The following KCNH8 variants were observed in gnomAD, a reference collection of about 807,000 sequenced individuals.
KCNH8 encodes the protein potassium voltage-gated channel subfamily H member 8, also known as voltage-gated delayed rectifier potassium channel KCNH8.
KCNH8 carries 70 observed loss-of-function variants against 103.6 expected under a neutral mutation model. The ratio of observed to expected loss-of-function variants is 0.68; its 90% CI spans 0.56 to 0.82. The LOEUF (loss-of-function observed/expected upper bound fraction) is 0.82. KCNH8 is among the 40% of genes least tolerant of loss of function. The pLI, the probability that KCNH8 is intolerant of heterozygous loss-of-function variation, is 0.00. For synonymous variants in KCNH8, 498 were observed against 489.4 expected, an observed-to-expected ratio of 1.02 and a Z score of -0.23; for missense variants, 1,217 against 1,329.9, an observed-to-expected ratio of 0.92 and a Z score of 1.32.
At chr3:19,190,847 C>G (rs990200230) in intron 1 of KCNH8, among the ~76,000 whole-genome samples, 4 of 151,838 alleles carry the variant, frequency 2.6e-5, no homozygotes, top group Admixed American at 6.6e-5. Context: ...ACGAATCTCA[C>G]GAAGGTAGAG....
chr3:19,173,372 T>A (rs868600425), intron 1 of KCNH8, among the ~76,000 whole-genome samples: 2 of 152,212 alleles, frequency 1.3e-5, no homozygotes, highest in South Asian at 4.2e-4. Flanking sequence ...TCCTAGTTAT[T>A]TTTTTCAACA....
rs867874775 is a variant in KCNH8, at chr3:19,510,363, G to A, written c.2041G>A (p.Val681Met). 2 of 1,570,106 alleles carry A rather than the reference G, an allele frequency of 1.3e-6. No individual in the cohort carries two copies. Among genetic ancestry groups the A allele is most frequent in the Non-Finnish European group, 1.8e-6 (2 of 1,140,186 alleles). Residue 681 changes from valine (V) to methionine (M), a missense_variant and splice_region_variant, in exon 12 of 16, where the codon GTG becomes ATG. Physicochemically the swap from Val to Met is conservative, Grantham distance 21. Around this residue, in one of 3 missense-constraint regions of KCNH8, gnomAD observed 558 missense variants for 495.8 expected, o/e 1.13. Transcript: ENST00000328405. ...YNLREGHESD[V>M]ISRLSNKSMV... ...TTAATACTTCTGTTTGTTCTTTCAG[G>A]TGATATCAAGACTATCAAACAAATC...
intron 11 of KCNH8, among the ~76,000 whole-genome samples, chr3:19,499,813 C>G (rs544147345): frequency 6.6e-6 from 1 of 150,680 alleles, no homozygotes; most frequent in South Asian, 2.1e-4. Flanking sequence ...AAGAAACAAC[C>G]GGTACCAGCC....
chr3:19,369,689 T>G (rs1375238554), intron 5 of KCNH8, among the ~76,000 whole-genome samples: 2 of 151,978 alleles, frequency 1.3e-5, no homozygotes, highest in Non-Finnish European at 2.9e-5. Context: ...ACAACCTGTT[T>G]CCTTCCTGGA....
At chr3:19,240,470 G>A (rs1462525080) in intron 1 of KCNH8, among the ~76,000 whole-genome samples, 1 of 151,972 alleles carries the variant, frequency 6.6e-6, no homozygotes, top group Non-Finnish European at 1.5e-5. Flanking sequence ...AAATTAGCCA[G>A]GCATGGTGGC....
chr3:19,463,373 A>T (rs539647973), intron 11 of KCNH8, among the ~76,000 whole-genome samples: 1 of 152,288 alleles, frequency 6.6e-6, no homozygotes, highest in South Asian at 2.1e-4. Flanking sequence ...TAGAGGACAA[A>T]ATGGAAGAAT....
chr3:19,505,001 C>G (rs1575153948), intron 11 of KCNH8, among the ~76,000 whole-genome samples: 1 of 150,704 alleles, frequency 6.6e-6, no homozygotes, highest in South Asian at 2.1e-4. Flanking sequence ...ATATATCTCT[C>G]TCACATTCAT....
intron 1 of KCNH8, among the ~76,000 whole-genome samples, chr3:19,249,307 A>C (rs1000247620): frequency 6.6e-6 from 1 of 152,100 alleles, no homozygotes; most frequent in Non-Finnish European, 1.5e-5. Flanking sequence ...AAGAGAGGCT[A>C]CTCTCCCAAA....
intron 7 of KCNH8, among the ~76,000 whole-genome samples, chr3:19,420,259 C>T (rs775175923): frequency 5.9e-5 from 9 of 152,144 alleles, no homozygotes; most frequent in Non-Finnish European, 1.3e-4. Context: ...ATTTAAATGA[C>T]TATGGTAGCT....
At chr3:19,447,854 G>A (rs1559331947) in intron 8 of KCNH8, among the ~76,000 whole-genome samples, 1 of 151,938 alleles carries the variant, frequency 6.6e-6, no homozygotes, top group Non-Finnish European at 1.5e-5. Flanking sequence ...ATTTTTCGTG[G>A]AATATTTTTG....
chr3:19,473,643 T>C (rs896778106), intron 11 of KCNH8, among the ~76,000 whole-genome samples: 1 of 152,216 alleles, frequency 6.6e-6, no homozygotes, highest in African/African-American at 2.4e-5. Context: ...TCCCAGACTG[T>C]TTCATTCTTG....
chr3:19,352,474 T>C (rs532855295), intron 5 of KCNH8, among the ~76,000 whole-genome samples: 2 of 152,250 alleles, frequency 1.3e-5, no homozygotes, highest in African/African-American at 4.8e-5. Context: ...ATTGACCACA[T>C]AGTTGGAAGT....
At chr3:19,286,662 T>C (rs1191822516) in intron 3 of KCNH8, among the ~76,000 whole-genome samples, 1 of 152,162 alleles carries the variant, frequency 6.6e-6, no homozygotes, top group Non-Finnish European at 1.5e-5. Context: ...TATCCTCCCA[T>C]ATACTTTAAA....
intron 13 of KCNH8, 115 bp downstream of exon 13, chr3:19,513,440 CCTCAGCTTTTCTGAGTTT>C: frequency 2.1e-6 from 3 of 1,398,960 alleles, no homozygotes; most frequent in Non-Finnish European, 2.9e-6. Flanking sequence ...AGCCTGGAAT[CCTCAGCTTTTCTGAGTTT>C]TGTGGGCAAT....
intron 5 of KCNH8, among the ~76,000 whole-genome samples, chr3:19,358,269 CCTT>C (rs543701874): frequency 9.7e-4 from 139 of 143,586 alleles, no homozygotes; most frequent in Non-Finnish European, 1.8e-3. Context: ...CTCTTTTTTT[CCTT>C]CTTCTCTCTT....
At chr3:19,206,199 A>C (rs1014180652) in intron 1 of KCNH8, among the ~76,000 whole-genome samples, 7 of 126,720 alleles carry the variant, frequency 5.5e-5, no homozygotes, top group Non-Finnish European at 1.0e-4. Flanking sequence ...AGTTATATAT[A>C]TATGTATATA....
intron 5 of KCNH8, among the ~76,000 whole-genome samples, chr3:19,362,596 G>A (rs917310889): frequency 6.6e-6 from 1 of 152,098 alleles, no homozygotes; most frequent in African/African-American, 2.4e-5. Flanking sequence ...TAACAAAGCA[G>A]CGTATCTTGA....
At chr3:19,236,460 G>A (rs1382091640) in intron 1 of KCNH8, among the ~76,000 whole-genome samples, 1 of 152,176 alleles carries the variant, frequency 6.6e-6, no homozygotes, top group African/African-American at 2.4e-5. Context: ...CACGGGGAGG[G>A]AAGTAAGAAG....
chr3:19,350,342 C>T (rs2065783124), intron 5 of KCNH8, among the ~76,000 whole-genome samples: 1 of 152,054 alleles, frequency 6.6e-6, no homozygotes, highest in African/African-American at 2.4e-5. Flanking sequence ...TTACTGCAGA[C>T]TTAAACTTCC....
Sources: allele counts gnomAD v4.1 joint callset (sites outside exome capture counted in the v4.1 genomes callset), GRCh38; gene constraint gnomAD v4.1.1; regional missense constraint gnomAD v4.1.1; transcripts MANE v1.5; gene names NCBI Gene and HGNC (gene_info 2026-07-23, HGNC 2026-07-21).